ZMYM4: variants seen among roughly 807,000 people sequenced by gnomAD.
ZMYM4 encodes the protein zinc finger MYM-type protein 4.
ZMYM4 carries 31 observed loss-of-function variants against 183.2 expected under a neutral mutation model. The observed-to-expected ratio is 0.17, with a 90% CI of 0.13 to 0.23. ZMYM4 has a LOEUF of 0.23. Ranked by LOEUF, ZMYM4 falls within the 10% of genes least tolerant of loss-of-function variation. The pLI, the probability that ZMYM4 is intolerant of heterozygous loss-of-function variation, is 1.00. For synonymous variants in ZMYM4, 592 were observed against 631.2 expected, an observed-to-expected ratio of 0.94 and a Z score of 0.93; for missense variants, 1,273 against 1,840.3, an observed-to-expected ratio of 0.69 and a Z score of 5.64.
intron 1 of ZMYM4, among the ~76,000 whole-genome samples, chr1:35,301,562 A>AAT (rs772440092): frequency 6.6e-6 from 1 of 150,780 alleles, no homozygotes; most frequent in African/African-American, 2.5e-5. Flanking sequence ...AAAAAAAAAA[A>AAT]GTCTTGTCTT....
chr1:35,406,176 A>G (rs1213391635), intron 25 of ZMYM4, among the ~76,000 whole-genome samples: 1 of 152,002 alleles, frequency 6.6e-6, no homozygotes, highest in Admixed American at 6.6e-5. Context: ...ACTCCAGTCT[A>G]CCCTGTTGGT....
intron 9 of ZMYM4, among the ~76,000 whole-genome samples, chr1:35,382,913 T>G (rs1644497641): frequency 6.6e-6 from 1 of 152,202 alleles, no homozygotes; most frequent in Admixed American, 6.5e-5. Context: ...CATATATACT[T>G]CTTATTTGAC....
chr1:35,368,064 C>CG (rs1644131060), intron 5 of ZMYM4, among the ~76,000 whole-genome samples: 1 of 119,130 alleles, frequency 8.4e-6, no homozygotes, highest in Admixed American at 9.1e-5. Context: ...ATCCAGCGCC[C>CG]CCCCCCCACC....
chr1:35,367,427 C>G (rs1178156026), intron 5 of ZMYM4, among the ~76,000 whole-genome samples: 1 of 151,786 alleles, frequency 6.6e-6, no homozygotes, highest in Non-Finnish European at 1.5e-5. Context: ...CAGGGTTTCA[C>G]CATGTTGGCC....
rs141813032 is a variant in ZMYM4 at position 35,301,541 on chromosome 1, G to A, written c.40-23819G>A. 3.7e-3 allele frequency among the ~76,000 whole-genome samples: 526 copies of A among 141,126 alleles called. 4 individuals are homozygous for A. The highest frequency in any genetic ancestry group is 0.014 in the African/African-American group (503 of 36,656). 92.6% of individuals were successfully genotyped at this position (141,126 alleles called of 152,430 possible). ...AGCCTGGGTGACAGAGTGAGAGGGT[G>A]TCTCAAAAAAAAAAAAAAAAAGTCT... On this transcript the variant is annotated intron_variant, in intron 1 of 29. Transcript: ENST00000314607.
At chr1:35,354,529 C>A (rs1296731319) in intron 2 of ZMYM4, among the ~76,000 whole-genome samples, 2 of 151,944 alleles carry the variant, frequency 1.3e-5, no homozygotes, top group Non-Finnish European at 2.9e-5. Context: ...AGTTTTGAGA[C>A]CAGCCTGGCC....
chr1:35,312,852 C>G (rs1641865019), intron 1 of ZMYM4, among the ~76,000 whole-genome samples: 1 of 152,048 alleles, frequency 6.6e-6, no homozygotes, highest in Non-Finnish European at 1.5e-5. Flanking sequence ...TTCCAAGTAG[C>G]TGGGACAGGT....
chr1:35,384,453 C>G (rs1214061427), intron 9 of ZMYM4, among the ~76,000 whole-genome samples: 1 of 152,116 alleles, frequency 6.6e-6, no homozygotes, highest in East Asian at 1.9e-4. Flanking sequence ...TAAAAATTAT[C>G]CTGAATGTGT....
In ZMYM4 at chr1:35,419,862, C is replaced by A; in HGVS notation, c.*185C>A. The A allele has an allele frequency of 1.6e-6, 1 of 615,532 alleles. No homozygotes were observed. The highest frequency in any genetic ancestry group is 2.8e-6 in the Non-Finnish European group (1 of 353,868). 38.1% of individuals were successfully genotyped at this position (615,532 alleles called of 1,614,324 possible). A position where few individuals can be genotyped will look rare whatever the true frequency, so the allele number is the denominator to read the frequency against. On this transcript the variant is annotated 3_prime_UTR_variant, in exon 30 of 30. Transcript: ENST00000314607. ...TGAAAATTGAAGGAAAGAATATGAA[C>A]TGAGAAATGTTCTTTGGCAGTGATA...
rs150205706 is a variant in ZMYM4, at chr1:35,416,725, G to C, written c.4309+1011G>C. 7.7e-4 allele frequency among the ~76,000 whole-genome samples: 117 copies of C among 152,198 alleles called. No homozygotes were observed. In the East Asian group the frequency reaches 0.018, roughly 24 times the overall value. ...ACTACAGGCATGTGCTACCACGCCT[G>C]GCTAATTTTTGTATTTTTAATAGAG... On this transcript the variant is annotated intron_variant, in intron 28 of 29. Transcript: ENST00000314607.
intron 2 of ZMYM4, chr1:35,350,814 T>G: frequency 1.9e-6 from 1 of 514,968 alleles, no homozygotes; most frequent in Non-Finnish European, 3.5e-6. Flanking sequence ...CTGATTACTA[T>G]GCTTGGAAAC....
chr1:35,373,586 C>G lies in ZMYM4; in HGVS notation c.1181+2959C>G, dbSNP rs139721824. ...TTTTTTGTATTTTCAGTAGAGATGG[C>G]GTTTCACCATGTTGGTCAGGCTGGT... On this transcript the variant is annotated intron_variant, in intron 7 of 29. Transcript: ENST00000314607. Among the ~76,000 whole-genome samples the G allele has an allele frequency of 7.9e-5, 11 of 138,656 alleles. 2 individuals carry two copies. Among genetic ancestry groups the G allele is most frequent in the African/African-American group, 2.4e-4 (9 of 37,082 alleles). The allele number at this position is 138,656 out of a possible 152,430, so 91.0% of individuals were successfully genotyped here.
At chr1:35,345,949 CTCT>C (rs2148871422) in intron 2 of ZMYM4, among the ~76,000 whole-genome samples, 1 of 152,316 alleles carries the variant, frequency 6.6e-6, no homozygotes, top group South Asian at 2.1e-4. Flanking sequence ...CGAAATTTCT[CTCT>C]TCTTTCAGCC....
intron 2 of ZMYM4, among the ~76,000 whole-genome samples, chr1:35,355,039 T>G (rs1643765660): frequency 6.6e-6 from 1 of 151,582 alleles, no homozygotes; most frequent in South Asian, 2.1e-4. Flanking sequence ...TTATTTTTAT[T>G]TATTTTTTAT....
chr1:35,398,966 T>A lies in ZMYM4; in HGVS notation c.3356T>A (p.Val1119Glu). The change falls in exon 22 of 30, where the codon GTG (valine) becomes GAG (glutamate). Residue 1119 changes from valine (V) to glutamate (E), a missense_variant. Physicochemically the swap from Val to Glu is moderately radical, Grantham distance 121 (BLOSUM62 -2). Coordinates refer to ENST00000314607, the MANE Select transcript of ZMYM4 (RefSeq NM_005095.3). The stretch of plus-strand genomic sequence containing the variant: ...CACTATGCCTTAAAGTCAAATGCTG[T>A]GCAAGAGGCTGATTCAGAATTGAAG... ...LNHYALKSNA[V>E]QEADSELKQF... The A allele has an allele frequency of 6.2e-7, 1 of 1,614,148 alleles. No individual in the cohort carries two copies. The highest frequency in any genetic ancestry group is 8.5e-7 in the Non-Finnish European group (1 of 1,180,004).
intron 1 of ZMYM4, among the ~76,000 whole-genome samples, chr1:35,292,002 T>G (rs1044679673): frequency 6.6e-6 from 1 of 152,170 alleles, no homozygotes; most frequent in African/African-American, 2.4e-5. Context: ...GTGTTTTTAT[T>G]TGAGTCTTGC....
chr1:35,287,081 T>A (rs1640539146), intron 1 of ZMYM4, among the ~76,000 whole-genome samples: 1 of 152,066 alleles, frequency 6.6e-6, no homozygotes, highest in African/African-American at 2.4e-5. Flanking sequence ...CCTTCCTTCC[T>A]CGACTTTTTC....
intron 13 of ZMYM4, among the ~76,000 whole-genome samples, chr1:35,388,274 G>A (rs1323873327): frequency 6.6e-6 from 1 of 152,082 alleles, no homozygotes; most frequent in Non-Finnish European, 1.5e-5. Flanking sequence ...GAGCGATCTT[G>A]GCTCACTGCA....
At chr1:35,273,410 G>T (rs1639714559) in intron 1 of ZMYM4, among the ~76,000 whole-genome samples, 1 of 152,100 alleles carries the variant, frequency 6.6e-6, no homozygotes, top group Non-Finnish European at 1.5e-5. Flanking sequence ...AATTATTTAT[G>T]CATGGCTATT....
Sources: gnomAD v4.1 joint callset for allele counts (sites outside exome capture counted in the v4.1 genomes callset) on GRCh38, gnomAD v4.1.1 for gene constraint, MANE v1.5 for transcripts, NCBI Gene and HGNC (gene_info 2026-07-23, HGNC 2026-07-21) for gene names.